Variants in ZNF585B observed in about 807,000 individuals in gnomAD.
ZNF585B encodes the protein zinc finger protein 585B.
Under a neutral mutation model 14.0 loss-of-function variants are expected in ZNF585B, and 7 were observed. The ratio of observed to expected loss-of-function variants is 0.50; its 90% CI spans 0.28 to 0.94. The LOEUF is 0.94. Among genes scored for constraint, ZNF585B ranks in the 40% least tolerant of loss-of-function variants. The pLI is 0.09. For synonymous variants in ZNF585B, 290 were observed against 317.3 expected, an observed-to-expected ratio of 0.91 and a Z score of 0.91; for missense variants, 750 against 924.4, an observed-to-expected ratio of 0.81 and a Z score of 2.45.
chr19:37,189,346 AG>A (rs1292386148), intron 4 of ZNF585B, among the ~76,000 whole-genome samples: 2 of 152,340 alleles, frequency 1.3e-5, no homozygotes, highest in African/African-American at 4.8e-5. Context: ...AAGCAGATCC[AG>A]GAATACCTGG....
In ZNF585B at chr19:37,189,394, G is replaced by A. The variant is rs546899036; in HGVS notation, c.292+267C>T. The stretch of plus-strand genomic sequence containing the variant: ...AGACTCTAGGACAATATGGAAGGCA[G>A]GGAAAAAAAGACTGTTACAGAAAAG... On this transcript the variant is annotated intron_variant, in intron 4 of 4. Transcript: ENST00000532828. 3.9e-5 allele frequency among the ~76,000 whole-genome samples: 6 copies of A among 152,096 alleles called. No homozygotes were observed. In the South Asian group the frequency reaches 1.2e-3, roughly 32 times the overall value.
In ZNF585B at chr19:37,184,763, AAAAT is replaced by A; in HGVS notation, c.*460_*463del. ...ACAACTGTGTTCGATTCAAAAGAAG[AAAAT>A]ACCCACAATTCTACTAGACAGTGTG... On this transcript the variant is annotated 3_prime_UTR_variant, in exon 5 of 5. Transcript: ENST00000532828. 2.6e-6 allele frequency: 1 copy of A among 384,604 alleles called. No individual in the cohort carries two copies. Among genetic ancestry groups the A allele is most frequent in the Non-Finnish European group, 4.6e-6 (1 of 216,756 alleles). The allele number at this position is 384,604 out of a possible 1,614,324, so 23.8% of individuals were successfully genotyped here.
rs570901000 is a variant in ZNF585B at position 37,210,271 on chromosome 19, C to T, written c.-144+170G>A. Among the ~76,000 whole-genome samples the T allele has an allele frequency of 1.9e-3, 289 of 152,094 alleles. 3 individuals carry two copies. The highest frequency in any genetic ancestry group is 1.9e-3 in the Non-Finnish European group (130 of 67,994). On this transcript the variant is annotated intron_variant, in intron 1 of 4. Transcript: ENST00000532828. ...CAGACTCCCGTCACTGACCCCCAAACCCCAATCACTCATCCCAAAGAGCCC... is the reference window on the plus strand; with the variant it reads ...CAGACTCCCGTCACTGACCCCCAAATCCCAATCACTCATCCCAAAGAGCCC...
At position 37,186,842 on chromosome 19, in the gene ZNF585B, T is replaced by C; in HGVS notation, c.695A>G (p.His232Arg). The part of the protein sequence containing the change: ...GFPYNSDLSI[H>R]EKIHTGERHH... ...TCTCTCTCCAGTATGAATTTTCTCATGTATACTGAGATCTGAGTTATAAGG... is the reference window on the plus strand; with the variant it reads ...TCTCTCTCCAGTATGAATTTTCTCACGTATACTGAGATCTGAGTTATAAGG... The change falls in exon 5 of 5, where the codon CAT becomes CGT. Residue 232 changes from histidine (H) to arginine (R), a missense_variant. This residue lies in a region of ZNF585B where 517 missense variants were observed against 570.3 expected (regional missense o/e 0.91). Coordinates refer to ENST00000532828, the MANE Select transcript of ZNF585B (RefSeq NM_152279.4). The C allele has an allele frequency of 4.3e-6, 7 of 1,614,068 alleles. No individual in the cohort carries two copies. Among genetic ancestry groups the C allele is most frequent in the Non-Finnish European group, 5.9e-6 (7 of 1,179,920 alleles).
chr19:37,190,180 A>C (rs1256167140), intron 2 of ZNF585B, 30 bp from the exon 3 acceptor site: 1 of 1,613,846 alleles, frequency 6.2e-7, no homozygotes. Context: ...TTCAATGTGC[A>C]TAGTCAGCTT....
chr19:37,194,705 A>C (rs960524615), intron 2 of ZNF585B, among the ~76,000 whole-genome samples: 8 of 152,200 alleles, frequency 5.3e-5, no homozygotes, highest in African/African-American at 1.7e-4. Flanking sequence ...GAAATCATCA[A>C]ATATACAGAA....
chr19:37,205,037 C>T (rs181930933), intron 2 of ZNF585B, among the ~76,000 whole-genome samples: 133 of 152,218 alleles, frequency 8.7e-4, no homozygotes, highest in African/African-American at 2.9e-3. Flanking sequence ...TGTGAGCTAC[C>T]GCACCAGGCC....
intron 2 of ZNF585B, among the ~76,000 whole-genome samples, chr19:37,204,442 A>C (rs1326504091): frequency 6.6e-6 from 1 of 152,236 alleles, no homozygotes; most frequent in African/African-American, 2.4e-5. Context: ...AAACAAGACC[A>C]ATCTCTGACC....
At chr19:37,202,640 G>GTT (rs74179495) in intron 2 of ZNF585B, among the ~76,000 whole-genome samples, 45 of 137,770 alleles carry the variant, frequency 3.3e-4, no homozygotes, top group Non-Finnish European at 5.8e-4. Flanking sequence ...TATTTGCATG[G>GTT]TTTTTTTTTT....
chr19:37,189,062 C>G (rs1362366839), intron 4 of ZNF585B, among the ~76,000 whole-genome samples: 1 of 152,078 alleles, frequency 6.6e-6, no homozygotes, highest in Non-Finnish European at 1.5e-5. Context: ...CTCACCCTCC[C>G]AAGTAACTGG....
chr19:37,203,855 C>G (rs751363696), intron 2 of ZNF585B, among the ~76,000 whole-genome samples: 32 of 152,060 alleles, frequency 2.1e-4, no homozygotes, highest in Admixed American at 2.1e-3. Flanking sequence ...CTCAAACTCC[C>G]GACCTCAGGT....
At chr19:37,196,838 G>A (rs977954981) in intron 2 of ZNF585B, among the ~76,000 whole-genome samples, 1 of 151,910 alleles carries the variant, frequency 6.6e-6, no homozygotes, top group African/African-American at 2.4e-5. Context: ...CTTTGCTATC[G>A]GTAAGTTAAC....
In ZNF585B at chr19:37,187,190, G is replaced by A. The variant is rs1972348541; in HGVS notation, c.347C>T (p.Ala116Val). Residue 116 changes from alanine (A) to valine (V), a missense_variant, in exon 5 of 5, where the codon GCT becomes GTT. Transcript: ENST00000532828. ...ATAAATTTTTTGATCTTGAGAGGAA[G>A]CTGGTTTATAACCGATGATTTTTCT... The part of the protein sequence containing the change: ...QHRKIIGYKP[A>V]SSQDQKIYSG... The A allele has an allele frequency of 6.2e-7, 1 of 1,613,216 alleles. No individual in the cohort carries two copies. The highest frequency in any genetic ancestry group is 8.5e-7 in the Non-Finnish European group (1 of 1,179,800).
chr19:37,192,491 A>C (rs1716710924), intron 2 of ZNF585B, among the ~76,000 whole-genome samples: 1 of 147,868 alleles, frequency 6.8e-6, no homozygotes, highest in South Asian at 2.1e-4. Flanking sequence ...TGAGTGACAG[A>C]GCGAGAACCT....
Position 37,204,961 on chromosome 19 carries a change from T to C in ZNF585B, c.72+2079A>G, listed in dbSNP as rs573083894. 1.1e-4 allele frequency among the ~76,000 whole-genome samples: 16 copies of C among 152,292 alleles called. No homozygotes were observed. In the East Asian group the frequency reaches 2.3e-3, roughly 22 times the overall value. On this transcript the variant is annotated intron_variant, in intron 2 of 4. Transcript: ENST00000532828. ...CGGGGCGTCACCATGTTGGCTAGGCTGGTCTCGAACTCCTGACCTCAGGCA... is the reference window on the plus strand; with the variant it reads ...CGGGGCGTCACCATGTTGGCTAGGCCGGTCTCGAACTCCTGACCTCAGGCA...
chr19:37,195,104 G>A (rs966254182), intron 2 of ZNF585B, among the ~76,000 whole-genome samples: 11 of 151,904 alleles, frequency 7.2e-5, no homozygotes, highest in African/African-American at 2.7e-4. Context: ...CAGCACTTTG[G>A]GGGGCCGAGG....
chr19:37,185,599 C>T lies in ZNF585B; in HGVS notation c.1938G>A (p.Arg646=). Residue 646 remains arginine, a synonymous_variant, in exon 5 of 5, where the codon AGG becomes AGA. Transcript: ENST00000532828. ...TTTTCTGGTGCTTACTGAGATTTGA[C>T]CTGCCACTAAAGGCTTTCCCACACT... ...CAECGKAFSG[R]SNLSKHQKTH... is the part of the protein sequence containing the mutation. 2 of 1,613,992 alleles carry T rather than the reference C, an allele frequency of 1.2e-6. No homozygotes were observed. Among genetic ancestry groups the T allele is most frequent in the Non-Finnish European group, 1.7e-6 (2 of 1,180,002 alleles).
chr19:37,184,779 T>G lies in ZNF585B; in HGVS notation c.*448A>C. 2.5e-6 allele frequency: 1 copy of G among 397,346 alleles called. No homozygotes were observed. The highest frequency in any genetic ancestry group is 4.5e-6 in the Non-Finnish European group (1 of 224,280). 24.6% of individuals were successfully genotyped at this position (397,346 alleles called of 1,614,324 possible). On this transcript the variant is annotated 3_prime_UTR_variant, in exon 5 of 5. Transcript: ENST00000532828. ...CAAAAGAAGAAAATACCCACAATTC[T>G]ACTAGACAGTGTGTTCTGGAACAAA...
intron 4 of ZNF585B, among the ~76,000 whole-genome samples, chr19:37,189,011 C>T (rs1372786427): frequency 4.6e-5 from 7 of 151,464 alleles, no homozygotes; most frequent in East Asian, 1.9e-4. Context: ...GATCTTGGCT[C>T]ACTGCAACCT....
Sources: allele counts gnomAD v4.1 joint callset (sites outside exome capture counted in the v4.1 genomes callset), GRCh38; gene constraint gnomAD v4.1.1; regional missense constraint gnomAD v4.1.1; transcripts MANE v1.5; gene names NCBI Gene and HGNC (gene_info 2026-07-23, HGNC 2026-07-21).